EVI5: variants seen among roughly 807,000 people sequenced by gnomAD.
EVI5 encodes ecotropic viral integration site 5.
Under a neutral mutation model 112.0 loss-of-function variants are expected in EVI5, and 73 were observed. The ratio of observed to expected loss-of-function variants is 0.65; its 90% CI spans 0.54 to 0.79. EVI5 has a LOEUF of 0.79. EVI5 is among the 30% of genes least tolerant of loss of function. The pLI is 0.00. For missense variants in EVI5, 900 were observed against 968.8 expected (o/e 0.93, Z 0.94); for synonymous variants, 305 against 319.9 (o/e 0.95, Z 0.50).
chr1:92,548,059 G>A (rs1666083779), intron 19 of EVI5, among the ~76,000 whole-genome samples: 2 of 152,142 alleles, frequency 1.3e-5, no homozygotes, highest in South Asian at 4.1e-4. Context: ...GAAAATTTTA[G>A]ACCAATATCC....
At chr1:92,655,484 C>G (rs1319940110) in intron 13 of EVI5, among the ~76,000 whole-genome samples, 1 of 152,062 alleles carries the variant, frequency 6.6e-6, no homozygotes, top group Non-Finnish European at 1.5e-5. Flanking sequence ...CAAGTGAGTT[C>G]TAAACATGTA....
intron 16 of EVI5, among the ~76,000 whole-genome samples, chr1:92,617,479 A>G (rs1653464470): frequency 6.6e-6 from 1 of 152,162 alleles, no homozygotes. Context: ...GAGTTTAATT[A>G]TTGAGTGGAT....
chr1:92,520,680 G>T (rs1022086945), intron 19 of EVI5, among the ~76,000 whole-genome samples: 4 of 151,706 alleles, frequency 2.6e-5, no homozygotes, highest in Admixed American at 2.6e-4. Context: ...GTGAGACCCT[G>T]TCTCTACAAA....
intron 13 of EVI5, among the ~76,000 whole-genome samples, chr1:92,638,447 C>G (rs1659323520): frequency 6.6e-6 from 1 of 152,114 alleles, no homozygotes; most frequent in Non-Finnish European, 1.5e-5. Flanking sequence ...CCCAGGTCAT[C>G]ATGATGGTGG....
chr1:92,576,753 A>G (rs1467725004), intron 18 of EVI5, among the ~76,000 whole-genome samples: 4 of 152,178 alleles, frequency 2.6e-5, no homozygotes, highest in African/African-American at 9.7e-5. Flanking sequence ...CGCTGGGCAA[A>G]TACAAGAGTG....
intron 2 of EVI5, among the ~76,000 whole-genome samples, chr1:92,723,981 T>C (rs777097880): frequency 1.1e-4 from 16 of 152,196 alleles, no homozygotes. Flanking sequence ...TTCCAGCCTG[T>C]TAAATTCTAG....
chr1:92,576,499 A>G (rs1557823570), intron 18 of EVI5, among the ~76,000 whole-genome samples: 1 of 152,192 alleles, frequency 6.6e-6, no homozygotes, highest in Non-Finnish European at 1.5e-5. Context: ...TATAAGTAAA[A>G]TTATTAAGAA....
chr1:92,556,373 G>A (rs944202792), intron 19 of EVI5, among the ~76,000 whole-genome samples: 15 of 151,616 alleles, frequency 9.9e-5, no homozygotes, highest in African/African-American at 3.6e-4. Context: ...AAAAATACAA[G>A]CATAAGGAAA....
At chr1:92,626,194 T>C (rs745338842) in intron 14 of EVI5, among the ~76,000 whole-genome samples, 4 of 152,144 alleles carry the variant, frequency 2.6e-5, no homozygotes, top group Non-Finnish European at 4.4e-5. Flanking sequence ...CCTATACTCA[T>C]CACCAGTCAT....
At chr1:92,726,980 T>C (rs540694050) in intron 2 of EVI5, among the ~76,000 whole-genome samples, 86 of 152,200 alleles carry the variant, frequency 5.7e-4, no homozygotes, top group Middle Eastern at 6.8e-3. Context: ...AAGTCAAAGA[T>C]GGCAGAATTA....
intron 18 of EVI5, among the ~76,000 whole-genome samples, chr1:92,599,041 A>G (rs866257748): frequency 5.9e-5 from 9 of 151,890 alleles, no homozygotes; most frequent in Middle Eastern, 6.9e-3. Flanking sequence ...CAGTCTACCT[A>G]TATCTATATA....
intron 18 of EVI5, among the ~76,000 whole-genome samples, chr1:92,575,839 C>CA (rs1670997252): frequency 6.6e-6 from 1 of 152,060 alleles, no homozygotes; most frequent in Non-Finnish European, 1.5e-5. Context: ...GCTGGGATTA[C>CA]AGGCATAATC....
intron 13 of EVI5, among the ~76,000 whole-genome samples, chr1:92,644,324 T>TA (rs1035970109): frequency 6.6e-6 from 1 of 152,184 alleles, no homozygotes; most frequent in African/African-American, 2.4e-5. Context: ...AGGAAGGAAT[T>TA]AGACAAATCT....
rs764343828 is a variant in EVI5, at chr1:92,509,740, C to T, written c.*3916G>A. ...AACTCAATGCAATTTCCATTTTATT[C>T]ACATCACTTGTATCCTCTACTCTCA... On this transcript the variant is annotated 3_prime_UTR_variant, in exon 20 of 20. Transcript: ENST00000684568. 3.9e-5 allele frequency: 6 copies of T among 152,132 alleles called. No homozygotes were observed. Among genetic ancestry groups the T allele is most frequent in the Non-Finnish European group, 7.4e-5 (5 of 68,014 alleles). The allele number at this position is 152,132 out of a possible 1,614,324, so 9.4% of individuals were successfully genotyped here.
At chr1:92,595,105 C>T (rs1485246738) in intron 18 of EVI5, among the ~76,000 whole-genome samples, 2 of 151,892 alleles carry the variant, frequency 1.3e-5, no homozygotes, top group African/African-American at 2.4e-5. Flanking sequence ...GCTATAAAGA[C>T]ACATGCACAC....
At chr1:92,579,665 T>C (rs1450611353) in intron 18 of EVI5, among the ~76,000 whole-genome samples, 4 of 152,156 alleles carry the variant, frequency 2.6e-5, no homozygotes, top group Non-Finnish European at 5.9e-5. Flanking sequence ...GAGTTCACCT[T>C]TTGTATAGAA....
chr1:92,640,578 G>A (rs767630054), intron 13 of EVI5, among the ~76,000 whole-genome samples: 8 of 152,070 alleles, frequency 5.3e-5, no homozygotes, highest in Non-Finnish European at 1.0e-4. Flanking sequence ...CAATCAGAAT[G>A]GCAATTATTA....
chr1:92,630,662 CTTTAG>C (rs1388101846), intron 14 of EVI5, among the ~76,000 whole-genome samples: 3 of 151,798 alleles, frequency 2.0e-5, no homozygotes, highest in Non-Finnish European at 4.4e-5. Context: ...TGCAGAAGCT[CTTTAG>C]TTTAATTAGA....
At chr1:92,548,299 C>G (rs1360021596) in intron 19 of EVI5, among the ~76,000 whole-genome samples, 9 of 152,126 alleles carry the variant, frequency 5.9e-5, no homozygotes, top group Non-Finnish European at 1.3e-4. Context: ...ATTCAACAGC[C>G]CTTCATGCTA....
Sources: allele counts gnomAD v4.1 joint callset (sites outside exome capture counted in the v4.1 genomes callset), GRCh38; gene constraint gnomAD v4.1.1; transcripts MANE v1.5; gene names NCBI Gene and HGNC (gene_info 2026-07-23, HGNC 2026-07-21).